The following ADCY1 variants were observed in gnomAD, a reference collection of about 807,000 sequenced individuals.
The protein encoded by ADCY1 is adenylate cyclase type 1.
Under a neutral mutation model 105.4 loss-of-function variants are expected in ADCY1, and 28 were observed. The ratio of observed to expected loss-of-function variants is 0.27; its 90% CI spans 0.20 to 0.36. The LOEUF (loss-of-function observed/expected upper bound fraction) is 0.36. ADCY1 is among the 10% of genes least tolerant of loss of function. ADCY1 has a pLI of 1.00. For missense variants in ADCY1, 977 were observed against 1,434.2 expected, an observed-to-expected ratio of 0.68 and a Z score of 5.15; for synonymous variants, 655 against 623.8, an observed-to-expected ratio of 1.05 and a Z score of -0.75.
intron 6 of ADCY1, 77 bp downstream of exon 6, chr7:45,657,962 G>A: frequency 2.0e-6 from 3 of 1,478,698 alleles, no homozygotes; most frequent in Non-Finnish European, 2.7e-6. Flanking sequence ...CTTGCTTCAG[G>A]TTCTGGGCTG....
At chr7:45,645,737 G>C (rs1171682890) in intron 4 of ADCY1, among the ~76,000 whole-genome samples, 1 of 152,122 alleles carries the variant, frequency 6.6e-6, no homozygotes, top group South Asian at 2.1e-4. Context: ...ACGCACATGA[G>C]ATGCAGGGAT....
chr7:45,584,505 T>G (rs557826841), intron 1 of ADCY1, among the ~76,000 whole-genome samples: 1 of 152,366 alleles, frequency 6.6e-6, no homozygotes, highest in East Asian at 1.9e-4. Context: ...TGCCCCCTGC[T>G]GTATGTCTTT....
chr7:45,639,171 G>A (rs748666619), intron 4 of ADCY1, among the ~76,000 whole-genome samples: 2 of 152,208 alleles, frequency 1.3e-5, no homozygotes, highest in African/African-American at 2.4e-5. Context: ...CCTTAGTCTC[G>A]ATAGTAGCTG....
chr7:45,630,875 G>C (rs912325189), intron 4 of ADCY1, among the ~76,000 whole-genome samples: 1 of 152,048 alleles, frequency 6.6e-6, no homozygotes, highest in East Asian at 1.9e-4. Flanking sequence ...CCAGAAATTT[G>C]ACTGTGGGTA....
intron 4 of ADCY1, among the ~76,000 whole-genome samples, chr7:45,630,066 C>G (rs139431078): frequency 1.2e-3 from 185 of 152,148 alleles, no homozygotes; most frequent in Middle Eastern, 6.8e-3. Context: ...ACTCATTTAT[C>G]TTTTTGGTGA....
In ADCY1 at chr7:45,697,681, C is replaced by G. The variant is rs566628765; in HGVS notation, c.2455-5695C>G. Reference sequence around the variant, plus strand: ...CTGGGATTACAGGCGTAAGCCACTGCGCCCAGCCCTCTTTACCTTTTAAAA... The same window carrying G: ...CTGGGATTACAGGCGTAAGCCACTGGGCCCAGCCCTCTTTACCTTTTAAAA... On this transcript the variant is annotated intron_variant, in intron 14 of 19. Coordinates refer to ENST00000297323, the MANE Select transcript of ADCY1 (RefSeq NM_021116.4). Among the ~76,000 whole-genome samples, 54 of 152,342 alleles carry G rather than the reference C, an allele frequency of 3.5e-4. No homozygotes were observed. In the East Asian group the frequency reaches 7.3e-3, roughly 21 times the overall value.
chr7:45,711,950 T>TTA (rs1584349208), intron 19 of ADCY1, among the ~76,000 whole-genome samples: 4 of 91,214 alleles, frequency 4.4e-5, no homozygotes, highest in African/African-American at 7.8e-5. Flanking sequence ...TAAATACATA[T>TTA]TATATTAAAT....
At chr7:45,630,667 C>T (rs1246847334) in intron 4 of ADCY1, among the ~76,000 whole-genome samples, 2 of 152,190 alleles carry the variant, frequency 1.3e-5, no homozygotes, top group Non-Finnish European at 2.9e-5. Context: ...CTCCCTCTCT[C>T]TTTCCCTTTT....
intron 3 of ADCY1, among the ~76,000 whole-genome samples, chr7:45,616,199 A>G (rs936407161): frequency 1.3e-5 from 2 of 152,224 alleles, no homozygotes; most frequent in Non-Finnish European, 2.9e-5. Context: ...TCAAAACCCA[A>G]CAACGAAAAG....
chr7:45,655,475 A>G (rs1794911774), intron 5 of ADCY1, among the ~76,000 whole-genome samples: 1 of 152,274 alleles, frequency 6.6e-6, no homozygotes, highest in Non-Finnish European at 1.5e-5. Context: ...ATGAAGTTAA[A>G]GGTTCTGTTG....
chr7:45,682,700 G>A (rs1784584672), intron 11 of ADCY1, among the ~76,000 whole-genome samples: 1 of 152,186 alleles, frequency 6.6e-6, no homozygotes, highest in African/African-American at 2.4e-5. Flanking sequence ...GATGGGACAG[G>A]CTCAGGAGGG....
intron 8 of ADCY1, among the ~76,000 whole-genome samples, chr7:45,663,514 C>T (rs908479173): frequency 2.0e-5 from 3 of 152,228 alleles, no homozygotes; most frequent in East Asian, 1.9e-4. Flanking sequence ...CGCAGCCAGG[C>T]GGGCGGGAGC....
intron 2 of ADCY1, among the ~76,000 whole-genome samples, chr7:45,594,771 C>CT (rs142074694): frequency 6.6e-6 from 1 of 152,284 alleles, no homozygotes; most frequent in African/African-American, 2.4e-5. Flanking sequence ...TGTCCAAGTT[C>CT]TAACTGCAGA....
rs1256168438 is a variant in ADCY1 at position 45,722,021 on chromosome 7, A to G, written c.*8026A>G. 6 of 392,196 alleles carry G rather than the reference A, an allele frequency of 1.5e-5. No individual in the cohort carries two copies. Among genetic ancestry groups the G allele is most frequent in the Non-Finnish European group, 2.7e-5 (6 of 222,328 alleles). 24.3% of individuals were successfully genotyped at this position (392,196 alleles called of 1,614,324 possible). A position where few individuals can be genotyped will look rare whatever the true frequency, so the allele number is the denominator to read the frequency against. On this transcript the variant is annotated 3_prime_UTR_variant, in exon 20 of 20. Transcript: ENST00000297323. ...TCCTGCCTGTGGGCATCCACCTCCC[A>G]GGTGAGGGCAGTGGGAAGCTGGCCC...
intron 4 of ADCY1, among the ~76,000 whole-genome samples, chr7:45,648,360 C>T (rs898611405): frequency 2.6e-5 from 4 of 152,330 alleles, no homozygotes; most frequent in East Asian, 3.9e-4. Flanking sequence ...GCATTCCAGC[C>T]GGACCTTGAA....
At chr7:45,627,236 G>A (rs929936629) in intron 4 of ADCY1, among the ~76,000 whole-genome samples, 28 of 152,132 alleles carry the variant, frequency 1.8e-4, no homozygotes, top group Middle Eastern at 3.2e-3. Flanking sequence ...GATTGGAAGC[G>A]GTGTCATTAT....
chr7:45,577,386 G>A (rs1196314249), intron 1 of ADCY1, among the ~76,000 whole-genome samples: 2 of 152,160 alleles, frequency 1.3e-5, no homozygotes, highest in Non-Finnish European at 2.9e-5. Context: ...GGGGGAGCAG[G>A]GCAGATGATT....
chr7:45,650,164 A>G (rs918375941), intron 5 of ADCY1, among the ~76,000 whole-genome samples: 3 of 152,188 alleles, frequency 2.0e-5, no homozygotes, highest in Admixed American at 6.5e-5. Flanking sequence ...CTTGTATATC[A>G]TATGTCATAT....
At chr7:45,630,057 C>T (rs1019867480) in intron 4 of ADCY1, among the ~76,000 whole-genome samples, 1 of 152,134 alleles carries the variant, frequency 6.6e-6, no homozygotes, top group Non-Finnish European at 1.5e-5. Flanking sequence ...TTATTGGCCA[C>T]TCATTTATCT....
Sources: gnomAD v4.1 joint callset for allele counts (sites outside exome capture counted in the v4.1 genomes callset) on GRCh38, gnomAD v4.1.1 for gene constraint, MANE v1.5 for transcripts, NCBI Gene and HGNC (gene_info 2026-07-23, HGNC 2026-07-21) for gene names.